The following ITGB8 variants were observed in gnomAD, a reference collection of about 807,000 sequenced individuals.
ITGB8 encodes the protein integrin beta-8.
ITGB8 carries 30 observed loss-of-function variants against 89.5 expected under a neutral mutation model. The observed-to-expected ratio is 0.34, with a 90% CI of 0.25 to 0.45. The LOEUF is 0.45. Ranked by LOEUF, ITGB8 falls within the 20% of genes least tolerant of loss-of-function variation. ITGB8 has a pLI of 1.00. For synonymous variants in ITGB8, 335 were observed against 320.4 expected (o/e 1.05, Z -0.49); for missense variants, 836 against 933.3 (o/e 0.90, Z 1.36).
At chr7:20,330,519 G>C (rs961978448), upstream of ITGB8, among the ~76,000 whole-genome samples, 2 of 152,188 alleles carry the variant, frequency 1.3e-5, no homozygotes, top group Non-Finnish European at 2.9e-5. Flanking sequence ...GGAACGAGGC[G>C]TGCCATTCCT....
At chr7:20,342,430 A>T (rs1784791119) in intron 1 of ITGB8, among the ~76,000 whole-genome samples, 1 of 152,222 alleles carries the variant, frequency 6.6e-6, no homozygotes, top group African/African-American at 2.4e-5. Context: ...TATCCTTAAA[A>T]GTGCAAACTC....
At chr7:20,363,601 G>A in intron 1 of ITGB8, 36 bp from the exon 2 acceptor site, 1 of 1,229,082 alleles carries the variant, frequency 8.1e-7, no homozygotes, top group Non-Finnish European at 1.1e-6. Context: ...TTTCTATTTT[G>A]AGAGTAAATT....
At chr7:20,377,582 C>A (rs988422551) in intron 3 of ITGB8, among the ~76,000 whole-genome samples, 9 of 152,198 alleles carry the variant, frequency 5.9e-5, no homozygotes, top group African/African-American at 2.2e-4. Context: ...AGGAACAGTT[C>A]TTTCTGTCAA....
At chr7:20,387,879 C>T (rs1786692603) in intron 6 of ITGB8, among the ~76,000 whole-genome samples, 1 of 152,184 alleles carries the variant, frequency 6.6e-6, no homozygotes, top group South Asian at 2.1e-4. Context: ...TGTCTGCTAT[C>T]TGATTACTTC....
intron 1 of ITGB8, among the ~76,000 whole-genome samples, chr7:20,354,994 A>G (rs1306587330): frequency 6.6e-6 from 1 of 152,216 alleles, no homozygotes; most frequent in African/African-American, 2.4e-5. Flanking sequence ...AGACATTGCT[A>G]GTGCCCCACC....
chr7:20,357,997 G>A (rs1034025744), intron 1 of ITGB8, among the ~76,000 whole-genome samples: 2 of 151,948 alleles, frequency 1.3e-5, no homozygotes, highest in African/African-American at 2.4e-5. Flanking sequence ...ATGGAGTCTC[G>A]CTCTGTTGCT....
rs775602313 is a variant in ITGB8, at chr7:20,401,731, A to C, written c.1292A>C (p.Asn431Thr). 2 of 1,549,634 alleles carry C rather than the reference A, an allele frequency of 1.3e-6. No individual in the cohort carries two copies. Among genetic ancestry groups the C allele is most frequent in the Non-Finnish European group, 1.7e-6 (2 of 1,154,158 alleles). The stretch of plus-strand genomic sequence containing the variant: ...TCCTCCTAAATTTAGGTTCTTTTCA[A>C]TGTAACAGTTACAATGAAAAAATGT... ...NVTSNDEVLFNVTVTMKKCDV... is the reference protein window; with the variant it reads ...NVTSNDEVLFTVTVTMKKCDV... Residue 431 changes from asparagine to threonine, a missense_variant, in exon 10 of 14, where the codon AAT (asparagine) becomes ACT (threonine). Asn to Thr is a moderately conservative substitution (Grantham distance 65). Coordinates refer to ENST00000222573, the MANE Select transcript of ITGB8 (RefSeq NM_002214.3).
At chr7:20,330,475 T>C (rs940050308), upstream of ITGB8, among the ~76,000 whole-genome samples, 2 of 151,892 alleles carry the variant, frequency 1.3e-5, no homozygotes, top group Non-Finnish European at 2.9e-5. Flanking sequence ...CCCGCGAGCG[T>C]TGGGGTGCAA....
rs1461283674 is a variant in ITGB8 at position 20,379,097 on chromosome 7, T to C, written c.435T>C (p.Tyr145=). ...TGAAAGTTCATCCTCTGAAGAAATA[T>C]CCTGTGGATCTTTATTATCTTGTTG... ...FMLKVHPLKK[Y]PVDLYYLVDV... Residue 145 remains tyrosine (Y), a synonymous_variant, in exon 4 of 14, where the codon TAT becomes TAC. Coordinates refer to ENST00000222573, the MANE Select transcript of ITGB8 (RefSeq NM_002214.3). The C allele has an allele frequency of 4.4e-6, 7 of 1,603,072 alleles. No individual in the cohort carries two copies. The highest frequency in any genetic ancestry group is 6.0e-6 in the Non-Finnish European group (7 of 1,173,742).
intron 8 of ITGB8, among the ~76,000 whole-genome samples, chr7:20,396,325 C>T (rs1003238343): frequency 1.1e-4 from 16 of 151,368 alleles, no homozygotes; most frequent in Non-Finnish European, 1.6e-4. Flanking sequence ...CCCAGCTACT[C>T]GGGAGGCTGA....
chr7:20,406,232 A>G, intron 12 of ITGB8, 61 bp downstream of exon 12: 1 of 1,031,602 alleles, frequency 9.7e-7, no homozygotes, highest in Middle Eastern at 2.0e-4. Context: ...ATGTTCCCCC[A>G]AAAGACCCAT....
intron 8 of ITGB8, 59 bp downstream of exon 8, chr7:20,395,044 A>T: frequency 4.0e-6 from 4 of 993,970 alleles, no homozygotes; most frequent in Non-Finnish European, 6.3e-6. Context: ...TTCTGTGACA[A>T]GGTACAAAGT....
chr7:20,394,635 C>T (rs569087255), intron 7 of ITGB8, among the ~76,000 whole-genome samples: 2 of 152,270 alleles, frequency 1.3e-5, no homozygotes, highest in African/African-American at 4.8e-5. Context: ...ATCTGCATTT[C>T]GATTGGATTT....
At chr7:20,401,439 G>A (rs1787307451) in intron 9 of ITGB8, among the ~76,000 whole-genome samples, 1 of 152,122 alleles carries the variant, frequency 6.6e-6, no homozygotes, top group African/African-American at 2.4e-5. Context: ...TCAGTGATGG[G>A]GTAGATGCTT....
At chr7:20,351,993 G>A (rs958404042) in intron 1 of ITGB8, among the ~76,000 whole-genome samples, 1 of 152,162 alleles carries the variant, frequency 6.6e-6, no homozygotes, top group African/African-American at 2.4e-5. Context: ...TTATTTAGAG[G>A]AACAGACTGG....
At chr7:20,399,358 A>G (rs1289619051) in intron 9 of ITGB8, among the ~76,000 whole-genome samples, 1 of 152,182 alleles carries the variant, frequency 6.6e-6, no homozygotes, top group Non-Finnish European at 1.5e-5. Context: ...TTTTGATTTC[A>G]TATTCACAAA....
In ITGB8 at chr7:20,414,187, T is replaced by C. The variant is rs2127991148; in HGVS notation, c.*4190T>C. ...AAATGTTTATGCATCTAGGCAAATTTTGTTTTCTTATAAAGATTTGAGAGC... is the reference window on the plus strand; with the variant it reads ...AAATGTTTATGCATCTAGGCAAATTCTGTTTTCTTATAAAGATTTGAGAGC... On this transcript the variant is annotated 3_prime_UTR_variant, in exon 14 of 14. Transcript: ENST00000222573. 6.6e-6 allele frequency: 1 copy of C among 152,250 alleles called. No homozygotes were observed. The highest frequency in any genetic ancestry group is 1.5e-5 in the Non-Finnish European group (1 of 67,976). The allele number at this position is 152,250 out of a possible 1,614,324, so 9.4% of individuals were successfully genotyped here.
intron 1 of ITGB8, among the ~76,000 whole-genome samples, chr7:20,354,520 T>C (rs751198458): frequency 2.0e-5 from 3 of 152,184 alleles, no homozygotes; most frequent in Non-Finnish European, 2.9e-5. Context: ...TAAGCTTTCC[T>C]TTCACATCAG....
intron 9 of ITGB8, among the ~76,000 whole-genome samples, chr7:20,399,864 G>C (rs1156390934): frequency 6.6e-6 from 1 of 152,070 alleles, no homozygotes; most frequent in Non-Finnish European, 1.5e-5. Flanking sequence ...AAAAGAAAAA[G>C]TTATTGAAAG....
Sources: gnomAD v4.1 joint callset for allele counts (sites outside exome capture counted in the v4.1 genomes callset) on GRCh38, gnomAD v4.1.1 for gene constraint, MANE v1.5 for transcripts, NCBI Gene and HGNC (gene_info 2026-07-23, HGNC 2026-07-21) for gene names.